The following TMCC1 variants were observed in gnomAD, a reference collection of about 807,000 sequenced individuals.
TMCC1 encodes transmembrane and coiled-coil domains protein 1.
A neutral mutation model predicts 52.4 loss-of-function variants in TMCC1; 15 were observed. The ratio of observed to expected loss-of-function variants is 0.29; its 90% CI spans 0.19 to 0.44. The LOEUF (loss-of-function observed/expected upper bound fraction) is 0.44. Ranked by LOEUF, TMCC1 falls within the 20% of genes least tolerant of loss-of-function variation. The pLI is 1.00. For synonymous variants in TMCC1, 279 were observed against 301.9 expected (o/e 0.92, Z 0.79); for missense variants, 503 against 806.0 (o/e 0.62, Z 4.55).
intron 4 of TMCC1, among the ~76,000 whole-genome samples, chr3:129,823,355 A>G (rs1432656366): frequency 6.6e-6 from 1 of 152,110 alleles, no homozygotes; most frequent in Non-Finnish European, 1.5e-5. Context: ...ATAACATTTT[A>G]TATATTTAAA....
At chr3:129,861,935 C>CA (rs1184023701) in intron 2 of TMCC1, among the ~76,000 whole-genome samples, 1 of 151,800 alleles carries the variant, frequency 6.6e-6, no homozygotes, top group Non-Finnish European at 1.5e-5. Context: ...TCAAAATGGC[C>CA]AAAAAATGGA....
intron 2 of TMCC1, among the ~76,000 whole-genome samples, chr3:129,872,106 G>A (rs2060958751): frequency 6.6e-6 from 1 of 152,070 alleles, no homozygotes; most frequent in South Asian, 2.1e-4. Flanking sequence ...CAGTATTCAC[G>A]CAGCATTATT....
At chr3:129,659,094 C>CTTTTTTTTTTTTTT (rs902362203) in intron 5 of TMCC1, among the ~76,000 whole-genome samples, 4 of 130,006 alleles carry the variant, frequency 3.1e-5, no homozygotes, top group East Asian at 4.6e-4. Flanking sequence ...TTCTTTCTTT[C>CTTTTTTTTTTTTTT]TTTTTTTTTT....
chr3:129,651,471 T>C lies in TMCC1; in HGVS notation c.*10A>G. ...CCAGAGGGTAGGGAACAATGCCTTCTGTGCCAGCATCATCTAGGGGATGAA... is the reference window on the plus strand; with the variant it reads ...CCAGAGGGTAGGGAACAATGCCTTCCGTGCCAGCATCATCTAGGGGATGAA... On this transcript the variant is annotated 3_prime_UTR_variant, in exon 7 of 7. Coordinates refer to ENST00000393238, the MANE Select transcript of TMCC1 (RefSeq NM_001017395.5). This position sits in a 1 kb window ranked among gnomAD's most constrained non-coding sequence, Gnocchi z 5.1. 1.9e-6 allele frequency: 3 copies of C among 1,610,034 alleles called. No homozygotes were observed. The highest frequency in any genetic ancestry group is 2.5e-6 in the Non-Finnish European group (3 of 1,177,142).
intron 4 of TMCC1, among the ~76,000 whole-genome samples, chr3:129,736,524 C>CTTT (rs758923804): frequency 1.1e-4 from 15 of 139,358 alleles, no homozygotes; most frequent in African/African-American, 3.4e-4. Context: ...ATTTTCTTTT[C>CTTT]TTTTTTTTTT....
At chr3:129,661,023 A>C (rs1472869312) in intron 5 of TMCC1, among the ~76,000 whole-genome samples, 4 of 152,244 alleles carry the variant, frequency 2.6e-5, no homozygotes, top group Admixed American at 2.0e-4. Context: ...GCTCTTACAG[A>C]AAATAAAGTC....
intron 2 of TMCC1, among the ~76,000 whole-genome samples, chr3:129,838,358 G>T (rs765518408): frequency 4.6e-5 from 7 of 152,090 alleles, no homozygotes; most frequent in Non-Finnish European, 7.4e-5. Flanking sequence ...GCAAAGAGCC[G>T]TGAGCGTCCC....
At chr3:129,889,400 G>C (rs2061861382) in intron 1 of TMCC1, among the ~76,000 whole-genome samples, 2 of 152,196 alleles carry the variant, frequency 1.3e-5, no homozygotes, top group Non-Finnish European at 2.9e-5. Context: ...ATGTAATGTG[G>C]TATTGTGGAT....
At position 129,770,288 on chromosome 3, in the gene TMCC1, G is replaced by A. The variant is rs189659051; in HGVS notation, c.576+57515C>T. ...CCCAGCACTTTGGGAGGCTGAGGCA[G>A]GAGGATCACTTCAGGCCAGGAGCTG... On this transcript the variant is annotated intron_variant, in intron 4 of 6. Transcript: ENST00000393238. Among the ~76,000 whole-genome samples the A allele has an allele frequency of 3.6e-3, 543 of 152,320 alleles. 3 individuals are homozygous for A. The highest frequency in any genetic ancestry group is 6.1e-3 in the Admixed American group (94 of 15,294).
chr3:129,773,608 T>C (rs899384932), intron 4 of TMCC1, among the ~76,000 whole-genome samples: 4 of 152,188 alleles, frequency 2.6e-5, no homozygotes, highest in African/African-American at 7.2e-5. Context: ...ATCAAGTTCA[T>C]AAATTAACAA....
At chr3:129,662,964 A>G (rs143950325) in intron 5 of TMCC1, among the ~76,000 whole-genome samples, 256 of 152,310 alleles carry the variant, frequency 1.7e-3, no homozygotes, top group African/African-American at 5.2e-3. Context: ...GGTAGATGAA[A>G]TTCATCCCCC....
At chr3:129,709,526 C>G (rs1187660809) in intron 4 of TMCC1, among the ~76,000 whole-genome samples, 1 of 128,354 alleles carries the variant, frequency 7.8e-6, no homozygotes, top group Non-Finnish European at 1.7e-5. Context: ...TTTAAATCAT[C>G]AAGGCTAACA....
At chr3:129,693,865 A>T (rs962507157) in intron 4 of TMCC1, among the ~76,000 whole-genome samples, 4 of 152,254 alleles carry the variant, frequency 2.6e-5, no homozygotes, top group African/African-American at 7.2e-5. Context: ...CATAGGATCA[A>T]TACCAATCTC....
In TMCC1 at chr3:129,889,921, T is replaced by TAAA. The variant is rs3042659; in HGVS notation, c.-435+3570_-435+3572dup. 1.1e-3 allele frequency among the ~76,000 whole-genome samples: 150 copies of TAAA among 134,956 alleles called. 1 individual carries two copies. The highest frequency in any genetic ancestry group is 5.8e-3 in the East Asian group (28 of 4,792). The allele number at this position is 134,956 out of a possible 152,430, so 88.5% of individuals were successfully genotyped here. A position where few individuals can be genotyped will look rare whatever the true frequency, so the allele number is the denominator to read the frequency against. The stretch of plus-strand genomic sequence containing the variant: ...AAAATATACTTCAGAGTAGCAAAGT[T>TAAA]AAAAAAAAAAAAAAAGAATAAACTA... On this transcript the variant is annotated intron_variant, in intron 1 of 6. Transcript: ENST00000393238.
intron 4 of TMCC1, among the ~76,000 whole-genome samples, chr3:129,681,917 A>AT (rs1246225978): frequency 1.3e-5 from 2 of 151,492 alleles, no homozygotes; most frequent in African/African-American, 4.8e-5. Flanking sequence ...AAAAAAAAAA[A>AT]AAATTTTTAA....
intron 4 of TMCC1, among the ~76,000 whole-genome samples, chr3:129,824,294 C>A (rs1333427017): frequency 1.3e-5 from 2 of 152,148 alleles, no homozygotes; most frequent in African/African-American, 4.8e-5. Flanking sequence ...AGAGATCATG[C>A]CGCTGCACTC....
intron 4 of TMCC1, among the ~76,000 whole-genome samples, chr3:129,821,836 G>A (rs1426357990): frequency 6.6e-6 from 1 of 152,064 alleles, no homozygotes; most frequent in African/African-American, 2.4e-5. Context: ...AGGCTGAGGC[G>A]GGTGGATGAC....
rs371329633 is a variant in TMCC1 at position 129,670,695 on chromosome 3, A to G, written c.1146T>C (p.Ser382=). ...CCTTCAGGTTGGGGATGTTGTCTGC[A>G]CTGCCAAATTTGTTCCGAATGAGTG... The part of the protein sequence containing the change: ...IASLIRNKFG[S]ADNIPNLKDS... Residue 382 remains serine (S), a synonymous_variant, in exon 5 of 7, where the codon AGT becomes AGC. Transcript: ENST00000393238. The G allele has an allele frequency of 6.2e-7, 1 of 1,614,186 alleles. No homozygotes were observed. Among genetic ancestry groups the G allele is most frequent in the Non-Finnish European group, 8.5e-7 (1 of 1,180,028 alleles).
intron 4 of TMCC1, among the ~76,000 whole-genome samples, chr3:129,822,103 AT>A (rs1216895730): frequency 6.6e-6 from 1 of 151,706 alleles, no homozygotes; most frequent in East Asian, 1.9e-4. Flanking sequence ...ATGAGGCCTT[AT>A]TTTTTAGGCA....
Sources: allele counts gnomAD v4.1 joint callset (sites outside exome capture counted in the v4.1 genomes callset), GRCh38; gene constraint gnomAD v4.1.1; non-coding constraint Gnocchi (gnomAD v3.1); transcripts MANE v1.5; gene names NCBI Gene and HGNC (gene_info 2026-07-23, HGNC 2026-07-21).